The following PER2 variants were observed in gnomAD, a reference collection of about 807,000 sequenced individuals.
The protein encoded by PER2 is period circadian regulator 2, also known as period circadian protein homolog 2.
PER2 carries 66 observed loss-of-function variants against 121.0 expected under a neutral mutation model. The observed-to-expected ratio is 0.55, with a 90% CI of 0.45 to 0.67. PER2 has a LOEUF of 0.67. Ranked by LOEUF, PER2 falls within the 30% of genes least tolerant of loss-of-function variation. The probability of loss-of-function intolerance (pLI) is 0.00; values close to 1 mark genes in which losing one functional copy is unlikely to be tolerated. For missense variants in PER2, 1,521 were observed against 1,635.0 expected (o/e 0.93, Z 1.20); for synonymous variants, 684 against 659.9 (o/e 1.04, Z -0.56).
chr2:238,260,856 C>A lies in PER2; in HGVS notation c.1514G>T (p.Gly505Val), dbSNP rs768873400. The A allele has an allele frequency of 1.2e-6, 2 of 1,614,088 alleles. No homozygotes were observed. Among genetic ancestry groups the A allele is most frequent in the East Asian group, 4.5e-5 (2 of 44,888 alleles). The part of the protein sequence containing the change: ...MSQTSSSDSN[G>V]HEDSRRRRAE... The stretch of plus-strand genomic sequence containing the variant: ...TCTCCTCCGGCGTGAGTCCTCATGG[C>A]CGTTGCTGTCGCTGGAGGAGGTCTG... The change falls in exon 13 of 23, where the codon GGC becomes GTC. Residue 505 changes from glycine to valine, a missense_variant. Physicochemically the swap from Gly to Val is moderately radical, Grantham distance 109 (BLOSUM62 -3). Coordinates refer to ENST00000254657, the MANE Select transcript of PER2 (RefSeq NM_022817.3).
rs1363686224 is a variant in PER2 at position 238,251,769 on chromosome 2, G to C, written c.3112-8C>G. The C allele has an allele frequency of 4.2e-6, 6 of 1,428,570 alleles. No homozygotes were observed. Among genetic ancestry groups the C allele is most frequent in the Non-Finnish European group, 5.6e-6 (6 of 1,063,450 alleles). The allele number at this position is 1,428,570 out of a possible 1,614,324, so 88.5% of individuals were successfully genotyped here. ...GTCTGAGGGTTCATCACGCTTTAGG[G>C]ACAGGAAGCAGATACTGCTGTTCAG... On this transcript the variant is annotated splice_region_variant and splice_polypyrimidine_tract_variant and intron_variant, in intron 19 of 22. Transcript: ENST00000254657.
rs140230577 is a variant in PER2 at position 238,283,992 on chromosome 2, G to A, written c.-20+4357C>T. Among the ~76,000 whole-genome samples, 292 of 152,206 alleles carry A rather than the reference G, an allele frequency of 1.9e-3. 1 individual carries two copies. The highest frequency in any genetic ancestry group is 3.1e-3 in the Admixed American group (47 of 15,290). On this transcript the variant is annotated intron_variant, in intron 1 of 22. Transcript: ENST00000254657. Reference sequence around the variant, plus strand: ...GTTCCACCACCTCCTATGTGATCTCGGACAAGTTCCTTAACCTCCCTGAGC... The same window carrying A: ...GTTCCACCACCTCCTATGTGATCTCAGACAAGTTCCTTAACCTCCCTGAGC...
chr2:238,258,978 C>T (rs746428365), intron 14 of PER2, among the ~76,000 whole-genome samples: 4 of 152,216 alleles, frequency 2.6e-5, no homozygotes, highest in East Asian at 1.9e-4. Context: ...TGAGAGCCCA[C>T]GTACTTTATG....
rs1472078849 is a variant in PER2, at chr2:238,260,007, G to A, written c.1589C>T (p.Ser530Phe). 6.0e-6 allele frequency: 9 copies of A among 1,507,460 alleles called. No individual in the cohort carries two copies. Among genetic ancestry groups the A allele is most frequent in the East Asian group, 2.3e-5 (1 of 44,354 alleles). 93.4% of individuals were successfully genotyped at this position (1,507,460 alleles called of 1,614,324 possible). A position where few individuals can be genotyped will look rare whatever the true frequency, so the allele number is the denominator to read the frequency against. The change falls in exon 14 of 23, where the codon TCT (serine) becomes TTT (phenylalanine). Residue 530 changes from serine to phenylalanine, a missense_variant. By Grantham distance (155) the Ser-to-Phe change is radical (BLOSUM62 -2). Transcript: ENST00000254657. ...GNKTKNRSHYSHESGEQKKKS... is the reference protein window; with the variant it reads ...GNKTKNRSHYFHESGEQKKKS... ...TTTCTTTTGTTCTCCAGATTCATGA[G>A]AATAATGACTTCTATTTTTGGTCTT...
chr2:238,253,360 T>C lies in PER2; in HGVS notation c.2663A>G (p.Gln888Arg). 6.2e-7 allele frequency: 1 copy of C among 1,613,152 alleles called. No homozygotes were observed. The highest frequency in any genetic ancestry group is 8.5e-7 in the Non-Finnish European group (1 of 1,179,514). ...VPAVPVDLQH[Q>R]FAVQPPPFPA... ...GAAAGGTGGGGGCTGGACTGCAAAC[T>C]GGTGCTGGAGGTCCACGGGCACAGC... The change falls in exon 19 of 23, where the codon CAG becomes CGG. Residue 888 changes from glutamine (Q) to arginine (R), a missense_variant. By Grantham distance (43) the Gln-to-Arg change is conservative. Transcript: ENST00000254657. This position sits in a 1 kb window ranked among gnomAD's most constrained non-coding sequence, Gnocchi z 5.6.
In PER2 at chr2:238,253,677, G is replaced by A. The variant is rs10195959; in HGVS notation, c.2346C>T (p.Ser782=). Reference sequence around the variant, plus strand: ...TTTTTTTCCAAGGTGAATCTATTCCGGAAGTATTTCTTAGTCCAGGGGCAG... The same window carrying A: ...TTTTTTTCCAAGGTGAATCTATTCCAGAAGTATTTCTTAGTCCAGGGGCAG... ...ERTAPGLRNT[S]GIDSPWKKTG... Residue 782 remains serine (S), a synonymous_variant, in exon 19 of 23, where the codon TCC becomes TCT. Transcript: ENST00000254657. The surrounding 1 kb of genome is among the most constrained non-coding windows in gnomAD (Gnocchi z 5.6). 31,824 of 1,607,046 alleles carry A rather than the reference G, an allele frequency of 0.02. 867 individuals are homozygous for A. Among genetic ancestry groups the A allele is most frequent in the African/African-American group, 0.12 (9,316 of 74,858 alleles).
intron 22 of PER2, chr2:238,247,476 C>T (rs1695479982): frequency 6.6e-6 from 1 of 152,262 alleles, no homozygotes; most frequent in Non-Finnish European, 1.5e-5. Flanking sequence ...AAGTACCCAG[C>T]TAAGCCGCTC....
chr2:238,289,924 C>T (rs74877878), upstream of PER2: 14,074 of 152,324 alleles, frequency 0.092, 713 homozygotes, highest in South Asian at 0.13. Flanking sequence ...TTTCAGGCTC[C>T]CACGCAGCAG....
chr2:238,265,389 T>C (rs949307230), intron 9 of PER2, 123 bp downstream of exon 9: 40 of 692,486 alleles, frequency 5.8e-5, no homozygotes, highest in Non-Finnish European at 9.3e-5. Flanking sequence ...TTTCATTGCC[T>C]GTATATAATT....
Position 238,263,025 on chromosome 2 carries a change from G to A in PER2, c.1080C>T (p.Asp360=). ...GCACGAGCACTGGGGTTTCAATCAG[G>A]TCCTGAGGTAGGTAGCCCAGGAGAG... ...AVPLLGYLPQ[D]LIETPVLVQL... is the part of the protein sequence containing the mutation. The change falls in exon 10 of 23, where the codon GAC becomes GAT. Residue 360 remains aspartate (D), a synonymous_variant. Transcript: ENST00000254657. 6.2e-7 allele frequency: 1 copy of A among 1,613,918 alleles called. No individual in the cohort carries two copies. Among genetic ancestry groups the A allele is most frequent in the East Asian group, 2.2e-5 (1 of 44,868 alleles).
the PER2 span, among the ~76,000 whole-genome samples, chr2:238,297,856 A>G: frequency 3.3e-5 from 5 of 152,058 alleles, no homozygotes; most frequent in Admixed American, 6.5e-5. Flanking sequence ...TGGTTTCCCA[A>G]TGGACCAGGG....
At chr2:238,272,548 C>T (rs1696321704) in intron 5 of PER2, among the ~76,000 whole-genome samples, 1 of 152,258 alleles carries the variant, frequency 6.6e-6, no homozygotes, top group African/African-American at 2.4e-5. Context: ...GGTCCCAGCA[C>T]ATGTGGGATC....
rs1695407881 is a variant in PER2 at position 238,245,041 on chromosome 2, C to CAA, written c.*1333_*1334insTT. 1 of 28,110 alleles carries CAA rather than the reference C, an allele frequency of 3.6e-5. No individual in the cohort carries two copies. Among genetic ancestry groups the CAA allele is most frequent in the Non-Finnish European group, 6.6e-5 (1 of 15,096 alleles). 1.7% of individuals were successfully genotyped at this position (28,110 alleles called of 1,614,324 possible). A position where few individuals can be genotyped will look rare whatever the true frequency, so the allele number is the denominator to read the frequency against. ...CAGCCTGGGCAAAAAGAAACTCCATCTAAAAAAAAAAAAAAAAAAAAAAAA... is the reference window on the plus strand; with the variant it reads ...CAGCCTGGGCAAAAAGAAACTCCATCAATAAAAAAAAAAAAAAAAAAAAAAAA... On this transcript the variant is annotated 3_prime_UTR_variant, in exon 23 of 23. Transcript: ENST00000254657.
chr2:238,277,445 ACTGG>A, intron 2 of PER2, among the ~76,000 whole-genome samples: 1 of 152,320 alleles, frequency 6.6e-6, no homozygotes, highest in East Asian at 1.9e-4. Context: ...ATAAGCAGCC[ACTGG>A]CTGGGTTACC....
chr2:238,281,546 G>T (rs1283692756), intron 1 of PER2, among the ~76,000 whole-genome samples: 2 of 152,164 alleles, frequency 1.3e-5, no homozygotes, highest in Non-Finnish European at 2.9e-5. Context: ...AAGATGAATG[G>T]TAATACCTTT....
upstream of PER2, among the ~76,000 whole-genome samples, chr2:238,295,077 C>T (rs896007711): frequency 1.3e-5 from 2 of 152,222 alleles, no homozygotes; most frequent in Admixed American, 1.3e-4. Context: ...AGCACTGCTT[C>T]TGTGGCTCAC....
intron 9 of PER2, among the ~76,000 whole-genome samples, chr2:238,263,625 G>A (rs1369932102): frequency 2.0e-5 from 3 of 152,104 alleles, no homozygotes; most frequent in Admixed American, 6.5e-5. Flanking sequence ...CTGAACTTCA[G>A]CAGCACCTTC....
chr2:238,289,272 C>G (rs1375701534), upstream of PER2: 2 of 152,236 alleles, frequency 1.3e-5, no homozygotes, highest in Non-Finnish European at 2.9e-5. Flanking sequence ...ATGCTTCATT[C>G]ACGCATTCAC....
At chr2:238,263,209 C>G in intron 9 of PER2, 151 bp from the exon 10 acceptor site, 1 of 667,420 alleles carries the variant, frequency 1.5e-6, no homozygotes, top group Non-Finnish European at 2.7e-6. Flanking sequence ...ACTAACAGAA[C>G]CAGCTAGACT....
Sources: gnomAD v4.1 joint callset for allele counts (sites outside exome capture counted in the v4.1 genomes callset) on GRCh38, gnomAD v4.1.1 for gene constraint, Gnocchi (gnomAD v3.1) non-coding constraint, MANE v1.5 for transcripts, NCBI Gene and HGNC (gene_info 2026-07-23, HGNC 2026-07-21) for gene names.